Variants in DNAH2 observed in about 807,000 individuals in gnomAD.
DNAH2 encodes the protein axonemal beta dynein heavy chain 2.
Under a neutral mutation model 523.5 loss-of-function variants are expected in DNAH2, and 323 were observed. The ratio of observed to expected loss-of-function variants is 0.62; its 90% CI spans 0.56 to 0.68. The LOEUF is 0.68. Ranked by LOEUF, DNAH2 falls within the 30% of genes least tolerant of loss-of-function variation. The pLI is 0.00. For synonymous variants in DNAH2, 2,093 were observed against 2,177.4 expected (o/e 0.96, Z 1.08); for missense variants, 4,907 against 5,701.5 (o/e 0.86, Z 4.49).
In DNAH2 at chr17:7,798,205, T is replaced by C; in HGVS notation, c.8279T>C (p.Leu2760Pro). The C allele has an allele frequency of 1.9e-6, 3 of 1,612,886 alleles. No individual in the cohort carries two copies. Among genetic ancestry groups the C allele is most frequent in the Non-Finnish European group, 2.5e-6 (3 of 1,178,992 alleles). ...VIGQPRGNML[L>P]VGIGGSGRQS... Reference sequence around the variant, plus strand: ...GGACAGCCTCGGGGCAACATGCTCCTGGTGGGTATCGGGGGCAGCGGACGC... The same window carrying C: ...GGACAGCCTCGGGGCAACATGCTCCCGGTGGGTATCGGGGGCAGCGGACGC... The change falls in exon 54 of 86, where the codon CTG becomes CCG. Residue 2760 changes from leucine (L) to proline (P), a missense_variant. By Grantham distance (98) the Leu-to-Pro change is moderately conservative. Transcript: ENST00000572933. The surrounding 1 kb of genome is among the most constrained non-coding windows in gnomAD (Gnocchi z 5.5).
intron 12 of DNAH2, among the ~76,000 whole-genome samples, chr17:7,750,956 AT>A (rs940231154): frequency 6.6e-6 from 1 of 152,208 alleles, no homozygotes; most frequent in Admixed American, 6.5e-5. Context: ...GACTAAAAAA[AT>A]TCTAGAATTT....
intron 48 of DNAH2, among the ~76,000 whole-genome samples, chr17:7,793,528 T>C (rs12952337): frequency 8.5e-5 from 12 of 140,856 alleles, no homozygotes; most frequent in African/African-American, 2.8e-4. Flanking sequence ...CTCTTTCTCT[T>C]TCTTTCTTTT....
At chr17:7,784,061 G>A (rs1055871383) in intron 39 of DNAH2, among the ~76,000 whole-genome samples, 1 of 152,004 alleles carries the variant, frequency 6.6e-6, no homozygotes, top group African/African-American at 2.4e-5. Flanking sequence ...TCAAAAGAAA[G>A]CTAGGGTAGC....
At chr17:7,775,837 C>G (rs1413519487) in intron 30 of DNAH2, among the ~76,000 whole-genome samples, 187 bp from the exon 31 acceptor site, 1 of 152,198 alleles carries the variant, frequency 6.6e-6, no homozygotes, top group Admixed American at 6.5e-5. Context: ...CCGAAATTTC[C>G]TTCTGAAAGT....
At chr17:7,720,342 G>T (rs1413837829) in intron 2 of DNAH2, among the ~76,000 whole-genome samples, 1 of 152,164 alleles carries the variant, frequency 6.6e-6, no homozygotes, top group African/African-American at 2.4e-5. Context: ...TCCAAAGCCC[G>T]GCTGATGCTT....
chr17:7,801,584 G>A lies in DNAH2; in HGVS notation c.8706G>A (p.Trp2902Ter), dbSNP rs528632026. 314 of 1,614,158 alleles carry A rather than the reference G, an allele frequency of 1.9e-4. No homozygotes were observed. The highest frequency in any genetic ancestry group is 4.8e-4 in the South Asian group (44 of 91,080). ...LSPMGDPFRN[W>*]IRQYPALVNC... Reference sequence around the variant, plus strand: ...TCTCCAAACCCCTTCCCAGGAACTGGATCCGCCAGTACCCAGCCTTGGTGA... The same window carrying A: ...TCTCCAAACCCCTTCCCAGGAACTGAATCCGCCAGTACCCAGCCTTGGTGA... Residue 2902 changes from tryptophan to a stop codon, truncating the protein, a stop_gained, in exon 57 of 86, where the codon TGG becomes TGA. Transcript: ENST00000572933. LOFTEE classifies it high-confidence loss of function.
intron 3 of DNAH2, 118 bp from the exon 4 acceptor site, chr17:7,727,004 C>G (rs1311547223): frequency 8.8e-7 from 1 of 1,135,470 alleles, no homozygotes; most frequent in Non-Finnish European, 1.2e-6. Flanking sequence ...TTTCTCCTAA[C>G]CATTCTGAAC....
chr17:7,756,475 T>C (rs1295589610), intron 12 of DNAH2, among the ~76,000 whole-genome samples: 4 of 151,544 alleles, frequency 2.6e-5, no homozygotes, highest in Non-Finnish European at 5.9e-5. Context: ...GGGGTCTCAC[T>C]ATGTTGCCCA....
chr17:7,826,535 C>CTTTTTTTTTTTTTT (rs35943055), intron 77 of DNAH2, among the ~76,000 whole-genome samples: 1 of 111,228 alleles, frequency 9.0e-6, no homozygotes, highest in East Asian at 3.1e-4. Flanking sequence ...TGCCCATCAT[C>CTTTTTTTTTTTTTT]TTTTTTTTTT....
rs772128167 is a variant in DNAH2, at chr17:7,780,608, C to A, written c.5851-22C>A. The stretch of plus-strand genomic sequence containing the variant: ...GATTTGTGGGGAGATGGACTGTTTC[C>A]TCCTCTGTTTTGGTTCCCCAGATTC... On this transcript the variant is annotated intron_variant, in intron 37 of 85. Coordinates refer to ENST00000572933, the MANE Select transcript of DNAH2 (RefSeq NM_020877.5). This position sits in a 1 kb window ranked among gnomAD's most constrained non-coding sequence, Gnocchi z 4.4. 3 of 1,612,726 alleles carry A rather than the reference C, an allele frequency of 1.9e-6. No individual in the cohort carries two copies. The South Asian group carries it at 3.3e-5, about 18-fold the overall frequency.
At chr17:7,738,803 A>G (rs1442839339) in intron 8 of DNAH2, 8 of 583,868 alleles carry the variant, frequency 1.4e-5, no homozygotes, top group Non-Finnish European at 3.1e-6. Context: ...TTTGGGATTC[A>G]GGAGGGTTGT....
rs768558111 is a variant in DNAH2 at position 7,805,320 on chromosome 17, G to C, written c.9369G>C (p.Val3123=). The change falls in exon 61 of 86, where the codon GTG becomes GTC. Residue 3123 remains valine, a synonymous_variant. Transcript: ENST00000572933. The part of the protein sequence containing the change: ...IKSYGRPPAQ[V]EIVMQAVMIL... The stretch of plus-strand genomic sequence containing the variant: ...CTTATGGACGGCCCCCAGCCCAAGT[G>C]GAGATAGTGATGCAGGCAGTTATGA... 6.2e-7 allele frequency: 1 copy of C among 1,614,276 alleles called. No individual in the cohort carries two copies. Among genetic ancestry groups the C allele is most frequent in the South Asian group, 1.1e-5 (1 of 91,092 alleles).
chr17:7,821,686 C>A lies in DNAH2; in HGVS notation c.11142+317C>A, dbSNP rs180804772. ...AGCCTGAGTTCCATGGTCGCCCTCA[C>A]AATCTCTCCCTCACAGGCTCCTCAA... On this transcript the variant is annotated intron_variant, in intron 73 of 85. Coordinates refer to ENST00000572933, the MANE Select transcript of DNAH2 (RefSeq NM_020877.5). This position sits in a 1 kb window ranked among gnomAD's most constrained non-coding sequence, Gnocchi z 5.0. Among the ~76,000 whole-genome samples the A allele has an allele frequency of 3.6e-4, 55 of 152,286 alleles. No individual in the cohort carries two copies. Among genetic ancestry groups the A allele is most frequent in the African/African-American group, 1.3e-3 (52 of 41,546 alleles).
chr17:7,737,359 T>A, intron 8 of DNAH2, 101 bp downstream of exon 8: 1 of 1,267,660 alleles, frequency 7.9e-7, no homozygotes. Flanking sequence ...GTTGAAAAGG[T>A]AGTGAAGATT....
chr17:7,824,878 T>A, intron 77 of DNAH2, 151 bp downstream of exon 77: 1 of 614,312 alleles, frequency 1.6e-6, no homozygotes. Flanking sequence ...GCCAAACTCC[T>A]AGAACACAAT....
chr17:7,778,729 C>T (rs773985779), intron 35 of DNAH2, among the ~76,000 whole-genome samples: 10 of 152,018 alleles, frequency 6.6e-5, no homozygotes, highest in Non-Finnish European at 1.0e-4. Context: ...ACACCAAGCC[C>T]GGAGAATTTT....
intron 48 of DNAH2, among the ~76,000 whole-genome samples, chr17:7,793,483 C>CTT (rs1376923151): frequency 7.4e-6 from 1 of 134,568 alleles, no homozygotes; most frequent in African/African-American, 2.6e-5. Context: ...TTCTTTCTTT[C>CTT]TTTCTTTCTT....
chr17:7,743,707 T>A, intron 12 of DNAH2: 1 of 234,534 alleles, frequency 4.3e-6, no homozygotes. Flanking sequence ...ACTAAACCAG[T>A]GATGTCGCTG....
At chr17:7,781,664 T>G (rs1204993530) in intron 39 of DNAH2, among the ~76,000 whole-genome samples, 3 of 152,210 alleles carry the variant, frequency 2.0e-5, no homozygotes, top group African/African-American at 7.2e-5. Flanking sequence ...AACATTCTGC[T>G]CTCTGACCAC....
Sources: gnomAD v4.1 joint callset for allele counts (sites outside exome capture counted in the v4.1 genomes callset) on GRCh38, gnomAD v4.1.1 for gene constraint, Gnocchi (gnomAD v3.1) non-coding constraint, MANE v1.5 for transcripts, NCBI Gene and HGNC (gene_info 2026-07-23, HGNC 2026-07-21) for gene names.